Variants in DPP9 observed in about 807,000 individuals in gnomAD.
DPP9 encodes the protein dipeptidyl peptidase IV-related protein-2.
In DPP9, 50 loss-of-function variants were observed where a neutral mutation model predicts 110.7. That is an observed-to-expected ratio of 0.45 (90% CI 0.36 to 0.57). The LOEUF (loss-of-function observed/expected upper bound fraction) is 0.57. DPP9 is among the 20% of genes least tolerant of loss of function. DPP9 has a pLI of 0.00. For missense variants in DPP9, 1,022 were observed against 1,217.9 expected, an observed-to-expected ratio of 0.84 and a Z score of 2.39; for synonymous variants, 561 against 514.4, an observed-to-expected ratio of 1.09 and a Z score of -1.23.
intron 4 of DPP9, 33 bp downstream of exon 4, chr19:4,714,048 C>T: frequency 6.3e-7 from 1 of 1,582,936 alleles, no homozygotes; most frequent in Non-Finnish European, 8.6e-7. Context: ...CAGATGCTGT[C>T]CCCGCCCAAG....
chr19:4,721,686 CAGA>C (rs2093329026), intron 2 of DPP9, among the ~76,000 whole-genome samples: 1 of 152,206 alleles, frequency 6.6e-6, no homozygotes, highest in African/African-American at 2.4e-5. Flanking sequence ...GAGGCTGAGA[CAGA>C]AGAATTGCTT....
In DPP9 at chr19:4,685,784, G is replaced by A; in HGVS notation, c.1886-13C>T. The A allele has an allele frequency of 6.2e-7, 1 of 1,610,986 alleles. No individual in the cohort carries two copies. On this transcript the variant is annotated splice_polypyrimidine_tract_variant and intron_variant, in intron 16 of 21. Transcript: ENST00000262960. The surrounding 1 kb of genome is among the most constrained non-coding windows in gnomAD (Gnocchi z 5.8). ...TCCGGGGGGCAGCCTGCGGGAGACA[G>A]GGCGGCTATCTGGCTGCCCGGGGAA...
intron 3 of DPP9, 114 bp from the exon 4 acceptor site, chr19:4,714,451 G>A (rs1009199508): frequency 3.4e-5 from 46 of 1,350,148 alleles, no homozygotes; most frequent in Middle Eastern, 4.2e-4. Context: ...CACCCCTGCC[G>A]CTTTCCCCAC....
At position 4,693,107 on chromosome 19, in the gene DPP9, G is replaced by A. The variant is rs1265785762; in HGVS notation, c.1516+1554C>T. On this transcript the variant is annotated intron_variant, in intron 13 of 21. Coordinates refer to ENST00000262960, the MANE Select transcript of DPP9 (RefSeq NM_139159.5). The surrounding 1 kb of genome is among the most constrained non-coding windows in gnomAD (Gnocchi z 5.0). The stretch of plus-strand genomic sequence containing the variant: ...CAGAGGGCACCGGACCACATCTAGG[G>A]ACATCTGTGGTTGTCACAACTGGAG... Among the ~76,000 whole-genome samples, 2 of 152,154 alleles carry A rather than the reference G, an allele frequency of 1.3e-5. No homozygotes were observed. Among genetic ancestry groups the A allele is most frequent in the African/African-American group, 4.8e-5 (2 of 41,438 alleles).
At chr19:4,680,918 C>T (rs751528069) in intron 20 of DPP9, among the ~76,000 whole-genome samples, 3 of 152,164 alleles carry the variant, frequency 2.0e-5, no homozygotes, top group Non-Finnish European at 4.4e-5. Flanking sequence ...GATTAAGCCA[C>T]TGCACTCCAG....
At chr19:4,705,576 T>A (rs1675483602) in intron 5 of DPP9, among the ~76,000 whole-genome samples, 1 of 152,262 alleles carries the variant, frequency 6.6e-6, no homozygotes, top group Non-Finnish European at 1.5e-5. Context: ...GATTGATGAT[T>A]AACCAGTCTC....
At chr19:4,716,568 C>T (rs1255090078) in intron 3 of DPP9, among the ~76,000 whole-genome samples, 3 of 151,346 alleles carry the variant, frequency 2.0e-5, no homozygotes, top group South Asian at 2.1e-4. Flanking sequence ...ACCCGGGAGG[C>T]GGAGCTTGCA....
chr19:4,683,187 C>T, intron 19 of DPP9: 1 of 1,431,758 alleles, frequency 7.0e-7, no homozygotes, highest in South Asian at 1.4e-5. Flanking sequence ...CACCATGCCC[C>T]ACCTCTGCCC....
Position 4,676,656 on chromosome 19 carries a change from T to C in DPP9, c.2587A>G (p.Ile863Val). 1.3e-6 allele frequency: 2 copies of C among 1,598,938 alleles called. No individual in the cohort carries two copies. The highest frequency in any genetic ancestry group is 1.7e-6 in the Non-Finnish European group (2 of 1,172,768). Residue 863 changes from isoleucine to valine, a missense_variant and splice_region_variant, in exon 22 of 22, where the codon ATC (isoleucine) becomes GTC (valine). Physicochemically the swap from Ile to Val is conservative, Grantham distance 29. Around this residue, in one of 3 missense-constraint regions of DPP9, gnomAD observed 209 missense variants for 280.4 expected, o/e 0.75. Coordinates refer to ENST00000262960, the MANE Select transcript of DPP9 (RefSeq NM_139159.5). This position sits in a 1 kb window ranked among gnomAD's most constrained non-coding sequence, Gnocchi z 4.0. ...IRAGKPYQLQ[I>V]YPNERHSIRC... ...ATACTGTGTCTCTCGTTGGGGTAGATCTGCGGGGAGACAGGAGGCAGGGCT... is the reference window on the plus strand; with the variant it reads ...ATACTGTGTCTCTCGTTGGGGTAGACCTGCGGGGAGACAGGAGGCAGGGCT...
chr19:4,721,637 C>T (rs2093327063), intron 2 of DPP9, among the ~76,000 whole-genome samples: 1 of 152,168 alleles, frequency 6.6e-6, no homozygotes, highest in East Asian at 1.9e-4. Context: ...AAAAATTAGC[C>T]AGCTGTGGTG....
In DPP9 at chr19:4,685,464, G is replaced by C. The variant is rs773685614; in HGVS notation, c.2031+162C>G. On this transcript the variant is annotated intron_variant, in intron 17 of 21. Transcript: ENST00000262960. This position sits in a 1 kb window ranked among gnomAD's most constrained non-coding sequence, Gnocchi z 5.8. ...CAGAGAAAGGAGGGTGAGGGGCCCC[G>C]AGGACCCTGTGTAGTCAGGGCAGGC... The C allele has an allele frequency of 1.2e-6, 1 of 829,966 alleles. No individual in the cohort carries two copies. The highest frequency in any genetic ancestry group is 2.1e-5 in the Admixed American group (1 of 46,894). The allele number at this position is 829,966 out of a possible 1,614,324, so 51.4% of individuals were successfully genotyped here. A position where few individuals can be genotyped will look rare whatever the true frequency, so the allele number is the denominator to read the frequency against.
chr19:4,689,521 G>A lies in DPP9; in HGVS notation c.1749+49C>T, dbSNP rs754077523. The A allele has an allele frequency of 8.5e-6, 13 of 1,531,946 alleles. No homozygotes were observed. The highest frequency in any genetic ancestry group is 2.1e-4 in the Middle Eastern group (1 of 4,732). 94.9% of individuals were successfully genotyped at this position (1,531,946 alleles called of 1,614,324 possible). On this transcript the variant is annotated intron_variant, in intron 15 of 21. Transcript: ENST00000262960. The surrounding 1 kb of genome is among the most constrained non-coding windows in gnomAD (Gnocchi z 7.0). ...GGCCATGAGGGACTGCTCTGGCTGG[G>A]AGCTGTTGGACGGGCACAGGGCGGT...
chr19:4,688,039 A>G (rs917469538), intron 16 of DPP9, among the ~76,000 whole-genome samples: 12 of 151,454 alleles, frequency 7.9e-5, no homozygotes, highest in African/African-American at 2.7e-4. Context: ...CTTGTGATCC[A>G]CCCGCCTCAG....
chr19:4,712,621 T>C (rs888984899), intron 4 of DPP9, among the ~76,000 whole-genome samples: 11 of 152,174 alleles, frequency 7.2e-5, no homozygotes, highest in Non-Finnish European at 1.5e-4. Context: ...TGACCTCTGT[T>C]GCGGTGACTC....
At chr19:4,703,819 C>G in intron 7 of DPP9, 67 bp downstream of exon 7, 3 of 1,509,850 alleles carry the variant, frequency 2.0e-6, no homozygotes, top group East Asian at 4.9e-5. Flanking sequence ...GCTGTGGGGG[C>G]AATGGGGCCT....
Position 4,689,993 on chromosome 19 carries a change from C to A in DPP9, c.1597-271G>T, listed in dbSNP as rs1568309286. ...CATTCCACCCCCAGACAGCTCTTTC[C>A]TAGCTTGAATTGGGAGGGCCCACCA... On this transcript the variant is annotated intron_variant, in intron 14 of 21. Transcript: ENST00000262960. The surrounding 1 kb of genome is among the most constrained non-coding windows in gnomAD (Gnocchi z 7.0). 6.6e-6 allele frequency among the ~76,000 whole-genome samples: 1 copy of A among 152,334 alleles called. No individual in the cohort carries two copies. The highest frequency in any genetic ancestry group is 1.9e-4 in the East Asian group (1 of 5,182).
At chr19:4,683,730 T>C in intron 18 of DPP9, 101 bp from the exon 19 acceptor site, 1 of 1,610,068 alleles carries the variant, frequency 6.2e-7, no homozygotes, top group Non-Finnish European at 8.5e-7. Flanking sequence ...CCCTCTTGGA[T>C]GAAAAGTGGC....
At position 4,688,738 on chromosome 19, in the gene DPP9, C is replaced by T. The variant is rs368229619; in HGVS notation, c.1885+19G>A. ...CGGGCGGGCGGAGGCCTCCGTGGGGCGGGGCAGGGGCTACTCACTGGCTGC... is the reference window on the plus strand; with the variant it reads ...CGGGCGGGCGGAGGCCTCCGTGGGGTGGGGCAGGGGCTACTCACTGGCTGC... On this transcript the variant is annotated intron_variant, in intron 16 of 21. Transcript: ENST00000262960. 9.3e-5 allele frequency: 132 copies of T among 1,417,084 alleles called. No homozygotes were observed. The African/African-American group carries it at 1.1e-3, about 11-fold the overall frequency. 87.8% of individuals were successfully genotyped at this position (1,417,084 alleles called of 1,614,324 possible).
Position 4,704,286 on chromosome 19 carries a change from C to T in DPP9, c.445G>A (p.Val149Ile). 6.2e-7 allele frequency: 1 copy of T among 1,613,264 alleles called. No homozygotes were observed. The highest frequency in any genetic ancestry group is 1.7e-5 in the Admixed American group (1 of 60,022). Residue 149 changes from valine to isoleucine, a missense_variant, in exon 6 of 22, where the codon GTC becomes ATC. This residue lies in a region of DPP9 where 810 missense variants were observed against 920.6 expected (regional missense o/e 0.88). Transcript: ENST00000262960. This position sits in a 1 kb window ranked among gnomAD's most constrained non-coding sequence, Gnocchi z 6.0. The part of the protein sequence containing the change: ...DHFQATPHHG[V>I]YSREEELLRE... Reference sequence around the variant, plus strand: ...AGCAGCTCCTCCTCCCGAGAGTAGACCCCATGGTGGGGCGTGGCCTGGAAA... The same window carrying T: ...AGCAGCTCCTCCTCCCGAGAGTAGATCCCATGGTGGGGCGTGGCCTGGAAA...
Sources: gnomAD v4.1 joint callset for allele counts (sites outside exome capture counted in the v4.1 genomes callset) on GRCh38, gnomAD v4.1.1 for gene constraint, gnomAD v4.1.1 regional missense constraint, Gnocchi (gnomAD v3.1) non-coding constraint, MANE v1.5 for transcripts, NCBI Gene and HGNC (gene_info 2026-07-23, HGNC 2026-07-21) for gene names.